The following LMLN variants were observed in gnomAD, a reference collection of about 807,000 sequenced individuals.
The protein encoded by LMLN is leishmanolysin-like peptidase.
Under a neutral mutation model 92.3 loss-of-function variants are expected in LMLN, and 70 were observed. The observed-to-expected ratio is 0.76, with a 90% confidence interval of 0.63 to 0.92. LMLN has a LOEUF of 0.92. Among genes scored for constraint, LMLN ranks in the 40% least tolerant of loss-of-function variants. LMLN has a pLI of 0.00. For missense variants in LMLN, 691 were observed against 814.6 expected (o/e 0.85, Z 1.85); for synonymous variants, 308 against 296.2 (o/e 1.04, Z -0.41).
intron 9 of LMLN, among the ~76,000 whole-genome samples, chr3:197,991,098 A>C (rs188966594): frequency 6.9e-6 from 1 of 143,962 alleles, no homozygotes; most frequent in African/African-American, 2.6e-5. Flanking sequence ...TTTTTCTTTT[A>C]TTTTCTTTCT....
intron 11 of LMLN, 76 bp downstream of exon 12, chr3:198,003,201 A>G: frequency 4.6e-6 from 4 of 875,416 alleles, no homozygotes; most frequent in Non-Finnish European, 7.0e-6. Flanking sequence ...TGAGCCTAAA[A>G]TGCTATTTTC....
intron 9 of LMLN, among the ~76,000 whole-genome samples, chr3:197,993,576 G>T (rs1372732255): frequency 6.6e-6 from 1 of 151,982 alleles, no homozygotes; most frequent in Non-Finnish European, 1.5e-5. Context: ...TGAAAACTAG[G>T]TGAAAGAAAT....
At position 198,035,816 on chromosome 3, in the gene LMLN, T is replaced by A; in HGVS notation, c.1657-17T>A. ...ATATTTATTATTTTTATATATCTAT[T>A]TTTTTCCTGTTTGAAGGTTTCTTGT... On this transcript the variant is annotated splice_polypyrimidine_tract_variant and intron_variant, in intron 14 of 15. Coordinates refer to ENST00000330198, the Ensembl canonical transcript of LMLN. 6.3e-7 allele frequency: 1 copy of A among 1,584,138 alleles called. No homozygotes were observed. Among genetic ancestry groups the A allele is most frequent in the Non-Finnish European group, 8.7e-7 (1 of 1,154,260 alleles).
At chr3:197,974,844 A>G (rs986990393) in intron 2 of LMLN, among the ~76,000 whole-genome samples, 198 bp from the exon 3 acceptor site, 2 of 152,246 alleles carry the variant, frequency 1.3e-5, no homozygotes, top group Admixed American at 6.5e-5. Flanking sequence ...TGGATCTCTC[A>G]TGAGAAAGAA....
intron 14 of LMLN, among the ~76,000 whole-genome samples, chr3:198,028,348 G>C (rs1287515016): frequency 6.6e-6 from 1 of 152,184 alleles, no homozygotes; most frequent in Admixed American, 6.5e-5. Context: ...GACACCTGTA[G>C]GATATTCGTC....
chr3:198,035,231 G>A (rs1031334160), intron 14 of LMLN, among the ~76,000 whole-genome samples: 2 of 150,844 alleles, frequency 1.3e-5, no homozygotes, highest in Non-Finnish European at 2.9e-5. Context: ...GTATGTGTGT[G>A]CCCCCTTGTA....
chr3:197,984,627 T>C (rs1225244811), intron 7 of LMLN, among the ~76,000 whole-genome samples: 2 of 151,630 alleles, frequency 1.3e-5, no homozygotes, highest in African/African-American at 4.8e-5. Context: ...ATTTTTTTTT[T>C]TGATAGAGAT....
chr3:197,977,793 A>T (rs535879975), intron 5 of LMLN, among the ~76,000 whole-genome samples: 93 of 152,012 alleles, frequency 6.1e-4, no homozygotes, highest in Middle Eastern at 3.4e-3. Flanking sequence ...CACACGTTAA[A>T]TCTGGATACA....
rs189624401 is a variant in LMLN, at chr3:198,019,879, G to A, written c.1365+494G>A. Among the ~76,000 whole-genome samples, 44 of 151,802 alleles carry A rather than the reference G, an allele frequency of 2.9e-4. No homozygotes were observed. In the East Asian group the frequency reaches 7.7e-3, roughly 27 times the overall value. On this transcript the variant is annotated intron_variant, in intron 12 of 15. Coordinates refer to ENST00000330198, the Ensembl canonical transcript of LMLN. This position sits in a 1 kb window ranked among gnomAD's most constrained non-coding sequence, Gnocchi z 5.5. ...CTTTTTATCTTTTATCTTTTTTTCC[G>A]AGACCGAGTCTCACTCTGTCGCCCA...
exon 1 of LMLN, chr3:197,960,386 C>T (rs757375634): frequency 8.1e-6 from 13 of 1,614,008 alleles, no homozygotes; most frequent in South Asian, 6.6e-5. Context: ...CATCTACTCC[C>T]GTCTCCTTGG....
intron 14 of LMLN, among the ~76,000 whole-genome samples, chr3:198,032,914 G>C (rs9875787): frequency 6.6e-6 from 1 of 152,044 alleles, no homozygotes; most frequent in East Asian, 1.9e-4. Flanking sequence ...ACAGACGTTT[G>C]TCTAATCCTT....
chr3:197,981,127 G>A (rs898183165), intron 6 of LMLN, among the ~76,000 whole-genome samples: 1 of 150,580 alleles, frequency 6.6e-6, no homozygotes, highest in Non-Finnish European at 1.5e-5. Context: ...AAACAAAATG[G>A]CTGGGCGCGG....
At chr3:197,979,563 A>G (rs1721498624) in intron 5 of LMLN, among the ~76,000 whole-genome samples, 1 of 152,118 alleles carries the variant, frequency 6.6e-6, no homozygotes, top group Non-Finnish European at 1.5e-5. Context: ...CATGCCTGTA[A>G]TCCCAGCACT....
At chr3:198,018,792 T>TATA (rs1722708508) in intron 11 of LMLN, among the ~76,000 whole-genome samples, 1 of 152,240 alleles carries the variant, frequency 6.6e-6, no homozygotes, top group Non-Finnish European at 1.5e-5. Context: ...GTGATATTAA[T>TATA]ATAATTTTTA....
chr3:198,015,281 T>C (rs1453568494), intron 11 of LMLN, among the ~76,000 whole-genome samples: 13 of 89,256 alleles, frequency 1.5e-4, no homozygotes, highest in African/African-American at 1.7e-4. Flanking sequence ...CTCTCCACCC[T>C]TCAGAGCCCC....
rs1270365952 is a variant in LMLN at position 198,042,227 on chromosome 3, G to C, written c.*3560G>C. 3.3e-5 allele frequency: 5 copies of C among 152,048 alleles called. No individual in the cohort carries two copies. The highest frequency in any genetic ancestry group is 1.2e-4 in the African/African-American group (5 of 41,388). 9.4% of individuals were successfully genotyped at this position (152,048 alleles called of 1,614,324 possible). Reference sequence around the variant, plus strand: ...CAGAGATTTTAAGAGGCACATTTTAGTCACTTTGAATATGGTAGTGGTGGG... The same window carrying C: ...CAGAGATTTTAAGAGGCACATTTTACTCACTTTGAATATGGTAGTGGTGGG... On this transcript the variant is annotated 3_prime_UTR_variant, in exon 16 of 16. Transcript: ENST00000330198. The surrounding 1 kb of genome is among the most constrained non-coding windows in gnomAD (Gnocchi z 4.2).
Position 197,971,742 on chromosome 3 carries a change from G to A in LMLN, c.220-2635G>A, listed in dbSNP as rs542927594. Among the ~76,000 whole-genome samples the A allele has an allele frequency of 9.9e-5, 15 of 152,046 alleles. No individual in the cohort carries two copies. The East Asian group carries it at 1.7e-3, about 18-fold the overall frequency. On this transcript the variant is annotated intron_variant, in intron 1 of 15. Coordinates refer to ENST00000330198, the Ensembl canonical transcript of LMLN. The stretch of plus-strand genomic sequence containing the variant: ...TGGGATTACAGGCATGAACCACCAC[G>A]CCCAGCCTTGTTTGTTTTTTATCCT...
intron 1 of LMLN, among the ~76,000 whole-genome samples, chr3:197,961,707 T>C (rs979644332): frequency 3.3e-5 from 5 of 152,354 alleles, no homozygotes; most frequent in African/African-American, 1.2e-4. Flanking sequence ...CAGTGTTCAC[T>C]GTAGTTACGC....
intron 1 of LMLN, among the ~76,000 whole-genome samples, chr3:197,965,500 C>T (rs1485308769): frequency 6.6e-6 from 1 of 152,086 alleles, no homozygotes; most frequent in Non-Finnish European, 1.5e-5. Context: ...CTTGGCCTCC[C>T]AAAGTGCTGG....
Sources: gnomAD v4.1 joint callset for allele counts (sites outside exome capture counted in the v4.1 genomes callset) on GRCh38, gnomAD v4.1.1 for gene constraint, Gnocchi (gnomAD v3.1) non-coding constraint, MANE v1.5 for transcripts, NCBI Gene and HGNC (gene_info 2026-07-23, HGNC 2026-07-21) for gene names.